Variants in LRBA observed in about 807,000 individuals in gnomAD.
LRBA encodes LPS responsive beige-like anchor protein, also known as lipopolysaccharide-responsive and beige-like anchor protein.
LRBA carries 176 observed loss-of-function variants against 330.0 expected under a neutral mutation model. That is an observed-to-expected ratio of 0.53 (90% confidence interval 0.47 to 0.60). The LOEUF (loss-of-function observed/expected upper bound fraction) is 0.60. LRBA is among the 20% of genes least tolerant of loss of function. LRBA has a pLI of 0.00. For synonymous variants in LRBA, 1,230 were observed against 1,193.0 expected (o/e 1.03, Z -0.64); for missense variants, 3,259 against 3,444.8 (o/e 0.95, Z 1.35).
At chr4:150,975,681 A>C (rs2149594019) in intron 2 of LRBA, among the ~76,000 whole-genome samples, 1 of 152,264 alleles carries the variant, frequency 6.6e-6, no homozygotes, top group Middle Eastern at 3.4e-3. Flanking sequence ...AAACCTATTA[A>C]GCCTAGATGG....
At chr4:150,411,312 A>G (rs1165977758) in intron 47 of LRBA, among the ~76,000 whole-genome samples, 1 of 152,202 alleles carries the variant, frequency 6.6e-6, no homozygotes, top group Non-Finnish European at 1.5e-5. Flanking sequence ...TGGGTGAGAC[A>G]GTAGTTACAG....
chr4:150,416,026 A>G (rs991986262), intron 46 of LRBA, among the ~76,000 whole-genome samples: 3 of 152,178 alleles, frequency 2.0e-5, no homozygotes, highest in Admixed American at 6.5e-5. Flanking sequence ...CTCTTCATCA[A>G]CCAGGAAGAT....
chr4:150,435,783 T>A (rs1436684412), intron 45 of LRBA, 75 bp from the exon 46 acceptor site: 2 of 1,185,436 alleles, frequency 1.7e-6, no homozygotes, highest in Non-Finnish European at 2.4e-6. Flanking sequence ...TTCTTAGAAC[T>A]AAATACTTTA....
intron 34 of LRBA, among the ~76,000 whole-genome samples, chr4:150,774,308 C>T (rs1387912433): frequency 6.6e-6 from 1 of 152,106 alleles, no homozygotes. Context: ...CATCTGCTGA[C>T]AAAGGATCTA....
intron 40 of LRBA, among the ~76,000 whole-genome samples, chr4:150,553,998 G>T (rs761114810): frequency 6.6e-6 from 1 of 152,160 alleles, no homozygotes; most frequent in South Asian, 2.1e-4. Flanking sequence ...CATCTTCTCT[G>T]AATTGCTATA....
chr4:150,970,838 G>T (rs936834937), intron 2 of LRBA: 1 of 151,914 alleles, frequency 6.6e-6, no homozygotes, highest in Non-Finnish European at 1.5e-5. Flanking sequence ...AAGCTTCTGA[G>T]AAGGAAAACT....
intron 40 of LRBA, among the ~76,000 whole-genome samples, chr4:150,531,781 C>T (rs1209674803): frequency 6.6e-6 from 1 of 152,184 alleles, no homozygotes; most frequent in Admixed American, 6.6e-5. Context: ...AGTTAAGTGG[C>T]ACTCCATGCT....
Position 150,916,660 on chromosome 4 carries a change from C to T in LRBA, c.724G>A (p.Val242Ile). The T allele has an allele frequency of 1.6e-5, 25 of 1,601,398 alleles. No homozygotes were observed. Among genetic ancestry groups the T allele is most frequent in the Non-Finnish European group, 2.1e-5 (25 of 1,174,750 alleles). ...TFHTWLRMDP[V>I]NNINVDKDKP... ...TCCTTATCTACATTGATGTTATTTA[C>T]AGGATCCATTCTAAGCCATGTATGA... is the stretch of plus-strand genomic sequence containing the variant. The change falls in exon 6 of 57, where the codon GTA (valine) becomes ATA (isoleucine). Residue 242 changes from valine to isoleucine, a missense_variant. Coordinates refer to ENST00000651943, the MANE Select transcript of LRBA (RefSeq NM_001364905.1).
At chr4:150,620,371 T>C (rs1776178301) in intron 37 of LRBA, among the ~76,000 whole-genome samples, 1 of 152,182 alleles carries the variant, frequency 6.6e-6, no homozygotes, top group East Asian at 1.9e-4. Flanking sequence ...TGTAAATTAA[T>C]ACAACCTCTA....
At chr4:150,898,181 GA>G (rs1196007304) in intron 14 of LRBA, among the ~76,000 whole-genome samples, 1 of 151,606 alleles carries the variant, frequency 6.6e-6, no homozygotes, top group African/African-American at 2.4e-5. Context: ...AGTTTACAAA[GA>G]AAAAAACAAA....
rs114376652 is a variant in LRBA, at chr4:150,539,733, A to C, written c.6330+48315T>G. ...TGACCTGAACACTACTCAGTGTGCTAAGTGATCTGGAGAACAGTAACTGAG... is the reference window on the plus strand; with the variant it reads ...TGACCTGAACACTACTCAGTGTGCTCAGTGATCTGGAGAACAGTAACTGAG... On this transcript the variant is annotated intron_variant, in intron 40 of 56. Coordinates refer to ENST00000651943, the MANE Select transcript of LRBA (RefSeq NM_001364905.1). 8.9e-3 allele frequency among the ~76,000 whole-genome samples: 1,363 copies of C among 152,334 alleles called. 7 individuals are homozygous for C. Among genetic ancestry groups the C allele is most frequent in the Non-Finnish European group, 0.015 (1,036 of 68,032 alleles).
intron 34 of LRBA, among the ~76,000 whole-genome samples, chr4:150,772,168 T>A (rs991475817): frequency 6.6e-6 from 1 of 152,212 alleles, no homozygotes; most frequent in Admixed American, 6.5e-5. Context: ...TTCTGTCCAC[T>A]GAGAAGATTA....
intron 34 of LRBA, among the ~76,000 whole-genome samples, chr4:150,762,177 C>A (rs1205970911): frequency 1.3e-5 from 2 of 151,820 alleles, no homozygotes; most frequent in African/African-American, 4.8e-5. Flanking sequence ...TTGGTTTTGG[C>A]TTTGTTTTTC....
At chr4:150,912,794 T>C (rs980210443) in intron 9 of LRBA, among the ~76,000 whole-genome samples, 1 of 152,164 alleles carries the variant, frequency 6.6e-6, no homozygotes, top group East Asian at 1.9e-4. Context: ...ATAAATTAGG[T>C]TGCTGATCTG....
At chr4:150,503,701 G>A (rs1760626628) in intron 40 of LRBA, among the ~76,000 whole-genome samples, 1 of 152,180 alleles carries the variant, frequency 6.6e-6, no homozygotes, top group African/African-American at 2.4e-5. Context: ...TCCTCCATAG[G>A]AACGCAGCTC....
chr4:150,855,974 A>C (rs1751177207), intron 22 of LRBA, among the ~76,000 whole-genome samples: 2 of 152,216 alleles, frequency 1.3e-5, no homozygotes, highest in Admixed American at 1.3e-4. Context: ...TCTTATAGGC[A>C]AGTCATTAGG....
At chr4:150,647,151 T>C (rs1478608520) in intron 37 of LRBA, among the ~76,000 whole-genome samples, 1 of 151,950 alleles carries the variant, frequency 6.6e-6, no homozygotes, top group Non-Finnish European at 1.5e-5. Context: ...AGGACAGTTC[T>C]GGAAACCTTG....
intron 46 of LRBA, among the ~76,000 whole-genome samples, chr4:150,415,837 T>C (rs991822556): frequency 1.1e-4 from 17 of 152,194 alleles, no homozygotes; most frequent in African/African-American, 4.1e-4. Flanking sequence ...ACATGTCTCA[T>C]AACCTCAAAA....
intron 47 of LRBA, among the ~76,000 whole-genome samples, chr4:150,354,205 A>G (rs1323504385): frequency 6.6e-6 from 1 of 152,158 alleles, no homozygotes; most frequent in Non-Finnish European, 1.5e-5. Flanking sequence ...CATAAAACCT[A>G]TATTAAAATA....
Sources: gnomAD v4.1 joint callset for allele counts (sites outside exome capture counted in the v4.1 genomes callset) on GRCh38, gnomAD v4.1.1 for gene constraint, MANE v1.5 for transcripts, NCBI Gene and HGNC (gene_info 2026-07-23, HGNC 2026-07-21) for gene names.